TRIO: variants seen among roughly 807,000 people sequenced by gnomAD.
The protein encoded by TRIO is triple functional domain protein.
Under a neutral mutation model 351.9 loss-of-function variants are expected in TRIO, and 58 were observed. The observed-to-expected ratio is 0.16, with a 90% CI of 0.13 to 0.21. The LOEUF is 0.21. Among genes scored for constraint, TRIO ranks in the 10% least tolerant of loss-of-function variants. The pLI is 1.00. For missense variants in TRIO, 3,201 were observed against 4,027.8 expected (o/e 0.79, Z 5.56); for synonymous variants, 1,758 against 1,595.7 (o/e 1.10, Z -2.42).
At chr5:14,288,321 A>G (rs560861011) in intron 4 of TRIO, among the ~76,000 whole-genome samples, 1 of 152,284 alleles carries the variant, frequency 6.6e-6, no homozygotes, top group South Asian at 2.1e-4. Flanking sequence ...AACTTGTTAC[A>G]TTGTTACCAG....
intron 34 of TRIO, 134 bp from the exon 35 acceptor site, chr5:14,460,885 C>T (rs1199427062): frequency 2.9e-6 from 3 of 1,039,654 alleles, no homozygotes; most frequent in South Asian, 1.9e-5. Context: ...TGTCATCTCA[C>T]ACCCCGTAGG....
At chr5:14,313,706 C>T (rs552634216) in intron 8 of TRIO, among the ~76,000 whole-genome samples, 10 of 152,146 alleles carry the variant, frequency 6.6e-5, no homozygotes, top group Admixed American at 5.2e-4. Context: ...GGCTGCTGTT[C>T]TTAAGATTGC....
chr5:14,168,161 G>A (rs1788885908), intron 1 of TRIO, among the ~76,000 whole-genome samples: 1 of 152,168 alleles, frequency 6.6e-6, no homozygotes, highest in South Asian at 2.1e-4. Flanking sequence ...GTGTTCACAG[G>A]TGTAAATACT....
At chr5:14,403,441 GAGGGTGTAGGTT>G (rs1748344674) in intron 31 of TRIO, among the ~76,000 whole-genome samples, 1 of 109,858 alleles carries the variant, frequency 9.1e-6, no homozygotes, top group Non-Finnish European at 1.9e-5. Flanking sequence ...AGGTTGTGGT[GAGGGTGTAGGTT>G]GTGGTGAGGG....
At position 14,472,678 on chromosome 5, in the gene TRIO, T is replaced by C; in HGVS notation, c.5979+20T>C. The C allele has an allele frequency of 6.8e-6, 11 of 1,613,006 alleles. No individual in the cohort carries two copies. Among genetic ancestry groups the C allele is most frequent in the East Asian group, 2.2e-5 (1 of 44,864 alleles). On this transcript the variant is annotated intron_variant, in intron 39 of 56. Coordinates refer to ENST00000344204, the MANE Select transcript of TRIO (RefSeq NM_007118.4). ...GTTGAGGTGTGTATTGCCAGAAATT[T>C]AGTATCTTCGTATCAGTTCCAAGAG...
At chr5:14,437,422 C>G (rs1433933421) in intron 34 of TRIO, among the ~76,000 whole-genome samples, 1 of 152,154 alleles carries the variant, frequency 6.6e-6, no homozygotes, top group Admixed American at 6.5e-5. Flanking sequence ...TATTTATATT[C>G]CATTTGGAGT....
At chr5:14,229,243 C>T (rs1457818567) in intron 1 of TRIO, among the ~76,000 whole-genome samples, 5 of 152,060 alleles carry the variant, frequency 3.3e-5, no homozygotes, top group Admixed American at 6.5e-5. Context: ...TGTAAATAGC[C>T]GGATAAATAC....
chr5:14,201,471 T>C (rs1411308781), intron 1 of TRIO, among the ~76,000 whole-genome samples: 1 of 152,210 alleles, frequency 6.6e-6, no homozygotes, highest in Non-Finnish European at 1.5e-5. Context: ...ATAGCATTTT[T>C]AGTGAAATGC....
At chr5:14,322,254 G>A (rs1001793909) in intron 9 of TRIO, among the ~76,000 whole-genome samples, 8 of 152,228 alleles carry the variant, frequency 5.3e-5, no homozygotes, top group Non-Finnish European at 1.2e-4. Flanking sequence ...GGGGTTAAAA[G>A]TTGCTTCATT....
intron 54 of TRIO, among the ~76,000 whole-genome samples, chr5:14,504,144 A>G (rs1757489671): frequency 6.6e-6 from 1 of 152,210 alleles, no homozygotes; most frequent in Non-Finnish European, 1.5e-5. Context: ...GTGCTGGGAA[A>G]GCAGCCACCG....
chr5:14,149,812 C>T (rs1053110524), intron 1 of TRIO, among the ~76,000 whole-genome samples: 5 of 152,190 alleles, frequency 3.3e-5, no homozygotes, highest in Non-Finnish European at 7.3e-5. Flanking sequence ...TGCATTTTAG[C>T]AGTTACACTG....
In TRIO at chr5:14,143,392, G is replaced by C. The variant is rs1787288209; in HGVS notation, c.-334G>C. ...GCAGCCGCCGGCGCCCGTGATCCCGGAGGTCTCGCCGGCCACGGGCCCCCG... is the reference window on the plus strand; with the variant it reads ...GCAGCCGCCGGCGCCCGTGATCCCGCAGGTCTCGCCGGCCACGGGCCCCCG... On this transcript the variant is annotated 5_prime_UTR_variant, in exon 1 of 57. Transcript: ENST00000344204. 6.6e-6 allele frequency among the ~76,000 whole-genome samples: 1 copy of C among 150,482 alleles called. No homozygotes were observed. Among genetic ancestry groups the C allele is most frequent in the Non-Finnish European group, 1.5e-5 (1 of 67,500 alleles).
intron 19 of TRIO, among the ~76,000 whole-genome samples, chr5:14,375,703 G>A (rs751393012): frequency 2.6e-5 from 4 of 152,270 alleles, no homozygotes; most frequent in East Asian, 1.9e-4. Flanking sequence ...AGGAAGCCCC[G>A]TATCCAAGAG....
In TRIO at chr5:14,403,698, A is replaced by T. The variant is rs1415897446; in HGVS notation, c.4717-2150A>T. On this transcript the variant is annotated intron_variant, in intron 31 of 56. Transcript: ENST00000344204. Reference sequence around the variant, plus strand: ...AGGGTGCAGGTGGTGGTGAGGGTGTAGGTTGTGGTGAGGGTGTAGGTTGTG... The same window carrying T: ...AGGGTGCAGGTGGTGGTGAGGGTGTTGGTTGTGGTGAGGGTGTAGGTTGTG... Among the ~76,000 whole-genome samples the T allele has an allele frequency of 2.2e-4, 17 of 76,642 alleles. 1 individual carries two copies. The highest frequency in any genetic ancestry group is 8.6e-4 in the African/African-American group (16 of 18,582). 50.3% of individuals were successfully genotyped at this position (76,642 alleles called of 152,430 possible).
chr5:14,375,047 T>A (rs1179772943), intron 19 of TRIO, among the ~76,000 whole-genome samples: 5 of 152,216 alleles, frequency 3.3e-5, no homozygotes, highest in African/African-American at 1.2e-4. Flanking sequence ...CTCACACTTT[T>A]CAAAACAATA....
At chr5:14,435,499 A>G (rs956866673) in intron 34 of TRIO, among the ~76,000 whole-genome samples, 4 of 152,164 alleles carry the variant, frequency 2.6e-5, no homozygotes, top group Non-Finnish European at 5.9e-5. Context: ...ATATTTTTGA[A>G]CTGTGCAATA....
At chr5:14,356,508 C>G (rs1428980905) in intron 11 of TRIO, among the ~76,000 whole-genome samples, 1 of 152,208 alleles carries the variant, frequency 6.6e-6, no homozygotes, top group Non-Finnish European at 1.5e-5. Context: ...GGAATTGAAA[C>G]TCTCATACGC....
At chr5:14,245,900 G>A (rs1794410178) in intron 1 of TRIO, among the ~76,000 whole-genome samples, 1 of 152,232 alleles carries the variant, frequency 6.6e-6, no homozygotes, top group African/African-American at 2.4e-5. Context: ...AATGGAATTA[G>A]AAGCCTATTA....
chr5:14,425,047 T>C (rs1379614854), intron 34 of TRIO, among the ~76,000 whole-genome samples: 2 of 152,188 alleles, frequency 1.3e-5, no homozygotes, highest in African/African-American at 4.8e-5. Context: ...CCCACCACAG[T>C]TTTTAAAAAC....
Sources: allele counts gnomAD v4.1 joint callset (sites outside exome capture counted in the v4.1 genomes callset), GRCh38; gene constraint gnomAD v4.1.1; transcripts MANE v1.5; gene names NCBI Gene and HGNC (gene_info 2026-07-23, HGNC 2026-07-21).